Variants in SMIM10L3 observed in about 807,000 individuals in gnomAD.
SMIM10L3 encodes the protein salivary gland specific protein SAGSIN1.
chr7:6,331,469 A>C, the SMIM10L3 span, among the ~76,000 whole-genome samples: 2 of 151,614 alleles, frequency 1.3e-5, no homozygotes, highest in African/African-American at 4.8e-5. Context: ...AGCCGTATTA[A>C]GGTTTTTGTT....
the SMIM10L3 span, among the ~76,000 whole-genome samples, chr7:6,337,701 T>C: frequency 6.6e-6 from 1 of 151,782 alleles, no homozygotes; most frequent in Admixed American, 6.6e-5. Flanking sequence ...ATGTATTCAA[T>C]CATGATAGAA....
chr7:6,343,896 T>C, the SMIM10L3 span, among the ~76,000 whole-genome samples: 1 of 152,134 alleles, frequency 6.6e-6, no homozygotes, highest in Non-Finnish European at 1.5e-5. Flanking sequence ...AGGATGGGTA[T>C]GGCTTTTTCT....
the SMIM10L3 span, among the ~76,000 whole-genome samples, chr7:6,344,920 T>C: frequency 6.6e-6 from 1 of 151,624 alleles, no homozygotes; most frequent in Non-Finnish European, 1.5e-5. Context: ...TTTTGTATTT[T>C]AGTAGAGATG....
At chr7:6,343,986 G>C in the SMIM10L3 span, among the ~76,000 whole-genome samples, 2 of 152,044 alleles carry the variant, frequency 1.3e-5, no homozygotes, top group Non-Finnish European at 2.9e-5. Context: ...CCCAGGCACA[G>C]GTGATCCTCC....
the SMIM10L3 span, chr7:6,329,639 T>A: frequency 6.2e-6 from 1 of 162,426 alleles, no homozygotes; most frequent in African/African-American, 2.4e-5. Flanking sequence ...CCTTGAAAAA[T>A]TTTAGGGTAC....
the SMIM10L3 span, among the ~76,000 whole-genome samples, chr7:6,334,328 G>A: frequency 6.6e-6 from 1 of 151,336 alleles, no homozygotes; most frequent in Admixed American, 6.6e-5. Context: ...CTGAGGTCAG[G>A]AGTTCAAGAC....
the SMIM10L3 span, among the ~76,000 whole-genome samples, chr7:6,338,342 G>A: frequency 1.4e-3 from 215 of 151,976 alleles, 2 homozygotes; most frequent in African/African-American, 5.0e-3. Context: ...GCTCTTTTTG[G>A]CCTCCTCATG....
the SMIM10L3 span, among the ~76,000 whole-genome samples, chr7:6,346,847 A>C: frequency 2.0e-5 from 3 of 152,170 alleles, no homozygotes; most frequent in Non-Finnish European, 2.9e-5. Context: ...TGGTGGTTCT[A>C]CTGCTCAGAC....
At chr7:6,344,615 C>A in the SMIM10L3 span, among the ~76,000 whole-genome samples, 1 of 152,146 alleles carries the variant, frequency 6.6e-6, no homozygotes, top group African/African-American at 2.4e-5. Flanking sequence ...GACGGAGTTT[C>A]GCCCTGTTGC....
the SMIM10L3 span, chr7:6,331,315 TAACA>T: frequency 5.9e-6 from 4 of 680,200 alleles, no homozygotes; most frequent in East Asian, 2.7e-5. Flanking sequence ...AAATATTTCC[TAACA>T]AACACTGAGA....
the SMIM10L3 span, among the ~76,000 whole-genome samples, chr7:6,347,244 G>T: frequency 6.6e-6 from 1 of 152,360 alleles, no homozygotes; most frequent in East Asian, 1.9e-4. Flanking sequence ...GCTGGGCGCT[G>T]TGGCTGACGC....
At chr7:6,333,264 G>A in the SMIM10L3 span, among the ~76,000 whole-genome samples, 1 of 152,060 alleles carries the variant, frequency 6.6e-6, no homozygotes, top group Non-Finnish European at 1.5e-5. Context: ...AGAGTTTAGA[G>A]AAAGAGACCT....
chr7:6,337,886 C>T, the SMIM10L3 span, among the ~76,000 whole-genome samples: 1 of 151,614 alleles, frequency 6.6e-6, no homozygotes, highest in African/African-American at 2.4e-5. Flanking sequence ...TCACTGCAAC[C>T]TCCGCCTCCC....
At chr7:6,332,112 G>C in the SMIM10L3 span, among the ~76,000 whole-genome samples, 1 of 110,054 alleles carries the variant, frequency 9.1e-6, no homozygotes, top group African/African-American at 6.0e-5. Flanking sequence ...TCCATCTCAC[G>C]GAAAAAAAAA....
chr7:6,348,313 T>C, the SMIM10L3 span, among the ~76,000 whole-genome samples: 3 of 151,818 alleles, frequency 2.0e-5, no homozygotes, highest in Non-Finnish European at 2.9e-5. Flanking sequence ...TTCCAGCCCA[T>C]GCAGTCTCGG....
At chr7:6,337,793 C>T in the SMIM10L3 span, among the ~76,000 whole-genome samples, 10 of 143,076 alleles carry the variant, frequency 7.0e-5, 1 homozygote, top group South Asian at 1.9e-3. Flanking sequence ...GATTTCAATA[C>T]ATTATTTATT....
the SMIM10L3 span, chr7:6,330,589 T>G: frequency 3.1e-6 from 5 of 1,614,048 alleles, no homozygotes; most frequent in Non-Finnish European, 4.2e-6. Context: ...CAGGATGGAG[T>G]GCAGGCAAGC....
At chr7:6,336,065 C>T in the SMIM10L3 span, among the ~76,000 whole-genome samples, 1 of 150,860 alleles carries the variant, frequency 6.6e-6, no homozygotes, top group Non-Finnish European at 1.5e-5. Context: ...CTCAGCTACT[C>T]AGGAGGCTGA....
the SMIM10L3 span, chr7:6,348,784 C>CCCCG: frequency 2.5e-6 from 1 of 397,492 alleles, no homozygotes; most frequent in Non-Finnish European, 4.4e-6. Flanking sequence ...CCCACAGCCC[C>CCCCG]CCCGCCCGCC....
Sources: gnomAD v4.1 joint callset for allele counts (sites outside exome capture counted in the v4.1 genomes callset) on GRCh38, gnomAD v4.1.1 for gene constraint, MANE v1.5 for transcripts, NCBI Gene and HGNC (gene_info 2026-07-23, HGNC 2026-07-21) for gene names.